Variants in KLHDC10 observed in about 807,000 individuals in gnomAD.
KLHDC10 encodes kelch domain containing 10.
Under a neutral mutation model 56.1 loss-of-function variants are expected in KLHDC10, and 24 were observed. The observed-to-expected ratio is 0.43, with a 90% CI of 0.31 to 0.60. The LOEUF (loss-of-function observed/expected upper bound fraction) is 0.60. Ranked by LOEUF, KLHDC10 falls within the 20% of genes least tolerant of loss-of-function variation. The pLI, the probability that KLHDC10 is intolerant of heterozygous loss-of-function variation, is 0.11. For synonymous variants in KLHDC10, 188 were observed against 207.1 expected, an observed-to-expected ratio of 0.91 and a Z score of 0.79; for missense variants, 349 against 567.0, an observed-to-expected ratio of 0.62 and a Z score of 3.91.
chr7:130,101,858 T>G (rs1206135159), intron 2 of KLHDC10, among the ~76,000 whole-genome samples: 5 of 150,494 alleles, frequency 3.3e-5, no homozygotes, highest in African/African-American at 1.2e-4. Context: ...TAGTCCCAGC[T>G]ACTTGGGAGG....
At chr7:130,072,795 C>T (rs1253605988) in intron 1 of KLHDC10, among the ~76,000 whole-genome samples, 3 of 151,808 alleles carry the variant, frequency 2.0e-5, no homozygotes, top group African/African-American at 7.3e-5. Flanking sequence ...CTCACTCTGT[C>T]CTCCAGGCTG....
chr7:130,115,101 T>TTGA (rs1199550025), intron 2 of KLHDC10, among the ~76,000 whole-genome samples: 1 of 152,210 alleles, frequency 6.6e-6, no homozygotes, highest in East Asian at 1.9e-4. Context: ...AAGTGGGATT[T>TTGA]TGATTTTAAA....
chr7:130,101,958 A>T (rs1795935828), intron 2 of KLHDC10, among the ~76,000 whole-genome samples: 1 of 123,942 alleles, frequency 8.1e-6, no homozygotes, highest in Non-Finnish European at 1.6e-5. Context: ...CGACAGAGTG[A>T]GACTCCCTCT....
chr7:130,081,990 A>G (rs1469871651), intron 1 of KLHDC10, among the ~76,000 whole-genome samples: 1 of 152,166 alleles, frequency 6.6e-6, no homozygotes, highest in Non-Finnish European at 1.5e-5. Flanking sequence ...CAGCCACTAT[A>G]TAAAAGGAAT....
intron 5 of KLHDC10, among the ~76,000 whole-genome samples, chr7:130,123,394 C>A (rs545746404): frequency 2.0e-5 from 3 of 151,712 alleles, no homozygotes; most frequent in African/African-American, 7.3e-5. Flanking sequence ...TGCTTGAACC[C>A]GGGAGGCAGA....
chr7:130,128,181 T>G (rs1033611148), intron 8 of KLHDC10, among the ~76,000 whole-genome samples: 31 of 152,240 alleles, frequency 2.0e-4, no homozygotes, highest in Non-Finnish European at 4.1e-4. Flanking sequence ...GGATAAGATT[T>G]ATAGATAATG....
chr7:130,126,590 T>G (rs1312399969), intron 7 of KLHDC10, among the ~76,000 whole-genome samples: 1 of 151,418 alleles, frequency 6.6e-6, no homozygotes, highest in African/African-American at 2.4e-5. Context: ...GCAGGAGAAT[T>G]GTTTGAACCT....
intron 1 of KLHDC10, among the ~76,000 whole-genome samples, chr7:130,076,675 C>T (rs940098869): frequency 2.8e-4 from 43 of 152,152 alleles, no homozygotes; most frequent in African/African-American, 8.2e-4. Flanking sequence ...ACTTTTCTTC[C>T]AGATGGCTGC....
intron 2 of KLHDC10, among the ~76,000 whole-genome samples, chr7:130,099,641 G>A (rs1795902266): frequency 6.6e-6 from 1 of 152,150 alleles, no homozygotes. Flanking sequence ...AGGACATGGT[G>A]TTTTTAGAGA....
chr7:130,093,364 C>G (rs997723329), intron 1 of KLHDC10, among the ~76,000 whole-genome samples: 3 of 152,072 alleles, frequency 2.0e-5, no homozygotes, highest in African/African-American at 7.2e-5. Context: ...GCCAGGACTA[C>G]AGGTGCATGA....
At chr7:130,108,572 A>AAAAAAAAAAAAAAAGAAT (rs1405437913) in intron 2 of KLHDC10, among the ~76,000 whole-genome samples, 1 of 144,008 alleles carries the variant, frequency 6.9e-6, no homozygotes, top group African/African-American at 2.6e-5. Context: ...AAAAAAAAAA[A>AAAAAAAAAAAAAAAGAAT]AGCTGGGCGT....
In KLHDC10 at chr7:130,122,224, A is replaced by G. The variant is rs368804973; in HGVS notation, c.779+22A>G. ...AGAGGTGAGGTTCTAGGATTCAAGC[A>G]TATTTATTCTTTCGTGCTAACATTT... On this transcript the variant is annotated intron_variant, in intron 5 of 9. Transcript: ENST00000335420. The G allele has an allele frequency of 1.0e-4, 164 of 1,609,896 alleles. 1 individual carries two copies. Among genetic ancestry groups the G allele is most frequent in the Non-Finnish European group, 1.3e-4 (148 of 1,178,534 alleles).
intron 1 of KLHDC10, among the ~76,000 whole-genome samples, chr7:130,079,595 AACTTT>A (rs1795569740): frequency 1.3e-5 from 2 of 151,958 alleles, no homozygotes; most frequent in South Asian, 4.1e-4. Context: ...CTGTTTGCTA[AACTTT>A]ACTTAGAAAT....
chr7:130,128,889 A>AAAAAAAATATATATATATATATAT, intron 8 of KLHDC10, among the ~76,000 whole-genome samples: 5 of 66,950 alleles, frequency 7.5e-5, no homozygotes, highest in African/African-American at 1.5e-4. Context: ...AAAAAAAAAA[A>AAAAAAAATATATATATATATATAT]ATATATATAT....
chr7:130,128,890 ATATATAT>A lies in KLHDC10; in HGVS notation c.980-546_980-540del, dbSNP rs1451618201. 3.2e-3 allele frequency among the ~76,000 whole-genome samples: 143 copies of A among 44,980 alleles called. 4 individuals are homozygous for A. Among genetic ancestry groups the A allele is most frequent in the African/African-American group, 0.012 (129 of 11,058 alleles). 29.5% of individuals were successfully genotyped at this position (44,980 alleles called of 152,430 possible). A position where few individuals can be genotyped will look rare whatever the true frequency, so the allele number is the denominator to read the frequency against. On this transcript the variant is annotated intron_variant, in intron 8 of 9. Transcript: ENST00000335420. Reference sequence around the variant, plus strand: ...CCTTGTCTCTTAAAAAAAAAAAAAAATATATATATATATATATATATATATATATACA... The same window carrying A: ...CCTTGTCTCTTAAAAAAAAAAAAAAAATATATATATATATATATATATACA...
intron 1 of KLHDC10, among the ~76,000 whole-genome samples, chr7:130,096,583 G>T (rs779270274): frequency 1.7e-4 from 26 of 152,134 alleles, no homozygotes; most frequent in Non-Finnish European, 1.3e-4. Context: ...ACTTAAAAAT[G>T]TCATCGTTTC....
intron 1 of KLHDC10, among the ~76,000 whole-genome samples, chr7:130,076,493 G>C (rs968421763): frequency 5.3e-5 from 8 of 152,134 alleles, no homozygotes; most frequent in African/African-American, 1.9e-4. Context: ...TCTTTTCAGA[G>C]TCTAGGTTTT....
In KLHDC10 at chr7:130,132,950, A is replaced by C. The variant is rs1329887579; in HGVS notation, c.*2204A>C. The C allele has an allele frequency of 6.6e-6, 1 of 152,178 alleles. No individual in the cohort carries two copies. The highest frequency in any genetic ancestry group is 1.5e-5 in the Non-Finnish European group (1 of 68,066). 9.4% of individuals were successfully genotyped at this position (152,178 alleles called of 1,614,324 possible). ...TGCTACACCAGAGAGCTGAAGAGAG[A>C]TGTGGTCTGGTTCCATCCATACTTG... On this transcript the variant is annotated 3_prime_UTR_variant, in exon 10 of 10. Transcript: ENST00000335420.
At chr7:130,118,575 T>G (rs1265017207) in intron 3 of KLHDC10, among the ~76,000 whole-genome samples, 1 of 152,266 alleles carries the variant, frequency 6.6e-6, no homozygotes, top group Admixed American at 6.5e-5. Flanking sequence ...ACTTTTCCTT[T>G]GCATTCACAA....
Sources: gnomAD v4.1 joint callset for allele counts (sites outside exome capture counted in the v4.1 genomes callset) on GRCh38, gnomAD v4.1.1 for gene constraint, MANE v1.5 for transcripts, NCBI Gene and HGNC (gene_info 2026-07-23, HGNC 2026-07-21) for gene names.